TULP4: variants seen among roughly 807,000 people sequenced by gnomAD.
TULP4 encodes tubby-related protein 4.
Under a neutral mutation model 129.0 loss-of-function variants are expected in TULP4, and 16 were observed. The ratio of observed to expected loss-of-function variants is 0.12; its 90% CI spans 0.08 to 0.19. TULP4 has a LOEUF of 0.19. Ranked by LOEUF, TULP4 falls within the 10% of genes least tolerant of loss-of-function variation. TULP4 has a pLI of 1.00. For missense variants in TULP4, 1,842 were observed against 2,059.1 expected (o/e 0.89, Z 2.04); for synonymous variants, 998 against 854.0 (o/e 1.17, Z -2.94).
intron 1 of TULP4, among the ~76,000 whole-genome samples, chr6:158,343,229 G>A (rs982550093): frequency 3.3e-5 from 5 of 152,168 alleles, no homozygotes; most frequent in Non-Finnish European, 7.4e-5. Context: ...CTGTCAAAGG[G>A]CTGAGCTAGA....
intron 1 of TULP4, chr6:158,242,667 A>G (rs918298345): frequency 2.0e-5 from 13 of 652,712 alleles, no homozygotes; most frequent in Admixed American, 6.4e-5. Context: ...GATAAGGCAT[A>G]TCACTTTACA....
chr6:158,238,652 G>T (rs1427689887), intron 1 of TULP4, among the ~76,000 whole-genome samples: 1 of 101,660 alleles, frequency 9.8e-6, no homozygotes, highest in African/African-American at 3.7e-5. Flanking sequence ...CTGCCTTCAA[G>T]CATCTGTTTA....
chr6:158,441,364 AC>A (rs1289854403), intron 3 of TULP4, among the ~76,000 whole-genome samples: 1 of 152,222 alleles, frequency 6.6e-6, no homozygotes, highest in Non-Finnish European at 1.5e-5. Flanking sequence ...ATTAATATAC[AC>A]TGGCTCTTGT....
chr6:158,267,888 C>T (rs1305270646), intron 1 of TULP4, among the ~76,000 whole-genome samples: 3 of 152,062 alleles, frequency 2.0e-5, no homozygotes, highest in South Asian at 4.2e-4. Flanking sequence ...TTCTATCAGT[C>T]GAATCCCTTC....
rs370813346 is a variant in TULP4, at chr6:158,502,124, A to G, written c.2461A>G (p.Ser821Gly). Residue 821 changes from serine to glycine, a missense_variant, in exon 13 of 14, where the codon AGT (serine) becomes GGT (glycine). Physicochemically the swap from Ser to Gly is moderately conservative, Grantham distance 56 (BLOSUM62 0). Around this residue, in one of 5 missense-constraint regions of TULP4, gnomAD observed 1,089 missense variants for 987.1 expected, o/e 1.10. Transcript: ENST00000367097. ...AGCTGAGGGGGACGCAGTGGTCTTTAGTGCCCCCCAGGAGGTCCAGGTGAC... is the reference window on the plus strand; with the variant it reads ...AGCTGAGGGGGACGCAGTGGTCTTTGGTGCCCCCCAGGAGGTCCAGGTGAC... ...LAAEGDAVVF[S>G]APQEVQVTKI... is the part of the protein sequence containing the mutation. 298 of 1,607,048 alleles carry G rather than the reference A, an allele frequency of 1.9e-4. No individual in the cohort carries two copies. Among genetic ancestry groups the G allele is most frequent in the Non-Finnish European group, 2.3e-4 (276 of 1,176,620 alleles).
intron 1 of TULP4, among the ~76,000 whole-genome samples, chr6:158,274,828 C>T (rs1002252628): frequency 2.6e-5 from 4 of 152,182 alleles, no homozygotes; most frequent in Non-Finnish European, 5.9e-5. Flanking sequence ...CACTGCACTC[C>T]GAATAAAATA....
chr6:158,431,300 T>C (rs549849165), intron 3 of TULP4, among the ~76,000 whole-genome samples: 2 of 152,304 alleles, frequency 1.3e-5, no homozygotes, highest in African/African-American at 4.8e-5. Flanking sequence ...CCCCAGGGCT[T>C]TTTAATGATC....
At position 158,435,965 on chromosome 6, in the gene TULP4, C is replaced by T. The variant is rs536731447; in HGVS notation, c.543+6068C>T. On this transcript the variant is annotated intron_variant, in intron 3 of 13. Coordinates refer to ENST00000367097, the MANE Select transcript of TULP4 (RefSeq NM_020245.5). Reference sequence around the variant, plus strand: ...ATTTTGAGGTGGAGTCTCGCTCTGTCGCCCAGTGGCACGATCTCGGCTCAC... The same window carrying T: ...ATTTTGAGGTGGAGTCTCGCTCTGTTGCCCAGTGGCACGATCTCGGCTCAC... Among the ~76,000 whole-genome samples, 9 of 151,712 alleles carry T rather than the reference C, an allele frequency of 5.9e-5. No individual in the cohort carries two copies. The South Asian group carries it at 6.2e-4, about 11-fold the overall frequency.
At chr6:158,430,740 C>T (rs1314282529) in intron 3 of TULP4, among the ~76,000 whole-genome samples, 20 of 152,014 alleles carry the variant, frequency 1.3e-4, no homozygotes, top group Admixed American at 1.3e-3. Context: ...AGCGATACTC[C>T]ATCTCAAAAA....
At chr6:158,345,628 T>TACTTCAAAGGGCAA (rs1055751111) in intron 1 of TULP4, among the ~76,000 whole-genome samples, 1 of 152,182 alleles carries the variant, frequency 6.6e-6, no homozygotes, top group African/African-American at 2.4e-5. Context: ...AAAGATCACA[T>TACTTCAAAGGGCAA]ACTTCAAAGG....
rs755368776 is a variant in TULP4 at position 158,493,538 on chromosome 6, C to T, written c.1632-35C>T. 72 of 1,438,196 alleles carry T rather than the reference C, an allele frequency of 5.0e-5. No homozygotes were observed. Among genetic ancestry groups the T allele is most frequent in the East Asian group, 2.2e-4 (8 of 36,518 alleles). 89.1% of individuals were successfully genotyped at this position (1,438,196 alleles called of 1,614,324 possible). On this transcript the variant is annotated intron_variant, in intron 9 of 13. Transcript: ENST00000367097. This position sits in a 1 kb window ranked among gnomAD's most constrained non-coding sequence, Gnocchi z 4.4. ...AGGGCCATGCTCACCATTCCCGCCA[C>T]GGATGCCTGACCCCTCCTGGCCTTG...
chr6:158,444,144 T>C (rs557535671), intron 3 of TULP4, among the ~76,000 whole-genome samples: 14 of 119,772 alleles, frequency 1.2e-4, no homozygotes, highest in Admixed American at 4.8e-4. Flanking sequence ...GGCATGAACC[T>C]GGGAGGCAGA....
intron 5 of TULP4, among the ~76,000 whole-genome samples, chr6:158,457,593 C>T (rs1188937853): frequency 1.3e-5 from 2 of 152,162 alleles, no homozygotes; most frequent in Non-Finnish European, 1.5e-5. Context: ...AGAAATAATT[C>T]AATCAGGAGT....
At chr6:158,240,622 A>G (rs1157153399) in intron 1 of TULP4, among the ~76,000 whole-genome samples, 55 of 84,818 alleles carry the variant, frequency 6.5e-4, no homozygotes, top group Middle Eastern at 0.01. Context: ...CTCACCTCCC[A>G]GACGGGGCGG....
At chr6:158,482,194 A>G (rs1032372124) in intron 8 of TULP4, among the ~76,000 whole-genome samples, 11 of 152,208 alleles carry the variant, frequency 7.2e-5, no homozygotes, top group Admixed American at 5.9e-4. Flanking sequence ...TCTCCTGCCC[A>G]TTAGTCTGGT....
intron 6 of TULP4, among the ~76,000 whole-genome samples, chr6:158,468,311 G>T (rs1406264209): frequency 6.6e-6 from 1 of 152,134 alleles, no homozygotes; most frequent in African/African-American, 2.4e-5. Context: ...ATTTTAATTT[G>T]TTTAACTAAA....
intron 1 of TULP4, among the ~76,000 whole-genome samples, chr6:158,300,133 T>C (rs1779107757): frequency 6.6e-6 from 1 of 152,192 alleles, no homozygotes; most frequent in African/African-American, 2.4e-5. Context: ...CAGACGTCTC[T>C]TCCCTATGGT....
intron 1 of TULP4, among the ~76,000 whole-genome samples, chr6:158,412,727 T>A (rs1778123488): frequency 6.6e-6 from 1 of 152,148 alleles, no homozygotes; most frequent in African/African-American, 2.4e-5. Context: ...TAGTAAATGT[T>A]GTTAAAATAG....
At chr6:158,407,762 A>G (rs1778001812) in intron 1 of TULP4, among the ~76,000 whole-genome samples, 1 of 152,242 alleles carries the variant, frequency 6.6e-6, no homozygotes, top group Non-Finnish European at 1.5e-5. Flanking sequence ...TTCCTTTTAT[A>G]TGAAATGTCC....
Sources: allele counts gnomAD v4.1 joint callset (sites outside exome capture counted in the v4.1 genomes callset), GRCh38; gene constraint gnomAD v4.1.1; regional missense constraint gnomAD v4.1.1; non-coding constraint Gnocchi (gnomAD v3.1); transcripts MANE v1.5; gene names NCBI Gene and HGNC (gene_info 2026-07-23, HGNC 2026-07-21).